IVD: variants seen among roughly 807,000 people sequenced by gnomAD.
IVD encodes isovaleryl-CoA dehydrogenase.
IVD carries 31 observed loss-of-function variants against 51.3 expected under a neutral mutation model. That is an observed-to-expected ratio of 0.60 (90% confidence interval 0.45 to 0.81). IVD has a LOEUF of 0.81. Among genes scored for constraint, IVD ranks in the 40% least tolerant of loss-of-function variants. IVD has a pLI of 0.00. For synonymous variants in IVD, 205 were observed against 219.4 expected (o/e 0.93, Z 0.58); for missense variants, 475 against 552.0 (o/e 0.86, Z 1.40).
downstream of IVD, among the ~76,000 whole-genome samples, chr15:40,421,566 C>T (rs1049445023): frequency 6.6e-6 from 1 of 152,142 alleles, no homozygotes; most frequent in Non-Finnish European, 1.5e-5. Flanking sequence ...CTGAGCACAC[C>T]CCTTATCAAA....
At chr15:40,407,536 G>C in intron 1 of IVD, 100 bp from the exon 2 acceptor site, 1 of 860,034 alleles carries the variant, frequency 1.2e-6, no homozygotes. Flanking sequence ...GTTTCAGTCT[G>C]ATGCTGTTTG....
At chr15:40,406,450 G>T in intron 1 of IVD, 1 of 788,568 alleles carries the variant, frequency 1.3e-6, no homozygotes, top group South Asian at 1.4e-5. Flanking sequence ...CTCTCCTGTC[G>T]CTCTTCAGCC....
intron 11 of IVD, among the ~76,000 whole-genome samples, 195 bp from the exon 12 acceptor site, chr15:40,417,935 G>T (rs1336826426): frequency 6.6e-6 from 1 of 152,154 alleles, no homozygotes; most frequent in East Asian, 1.9e-4. Context: ...GGCATCCACT[G>T]GGGTCTTGGA....
chr15:40,429,070 C>T (rs182884629), downstream of IVD, among the ~76,000 whole-genome samples: 219 of 152,280 alleles, frequency 1.4e-3, 1 homozygote, highest in African/African-American at 4.8e-3. Context: ...CCCATCCCTC[C>T]GCCCAGCCTG....
intron 8 of IVD, among the ~76,000 whole-genome samples, chr15:40,434,197 C>A (rs1261331290): frequency 3.9e-5 from 6 of 152,200 alleles, no homozygotes; most frequent in Admixed American, 3.9e-4. Context: ...CCAGGGGTAG[C>A]AAATCTTCTG....
intron 7 of IVD, among the ~76,000 whole-genome samples, chr15:40,431,520 C>G (rs1421712970): frequency 6.6e-6 from 1 of 151,892 alleles, no homozygotes; most frequent in Non-Finnish European, 1.5e-5. Flanking sequence ...ATGGTGAAAC[C>G]CCGTCTCTAC....
At chr15:40,415,224 G>A (rs1214032316) in intron 8 of IVD, 177 bp from the exon 9 acceptor site, 2 of 732,186 alleles carry the variant, frequency 2.7e-6, no homozygotes, top group African/African-American at 3.5e-5. Flanking sequence ...GCTGTGAAAC[G>A]ACACCTGGGC....
intron 8 of IVD, among the ~76,000 whole-genome samples, chr15:40,435,245 C>T (rs1893201402): frequency 6.6e-6 from 1 of 152,120 alleles, no homozygotes. Flanking sequence ...GTTGCTGCTC[C>T]GGAAATGACA....
chr15:40,413,480 A>G (rs1408534416), intron 7 of IVD, among the ~76,000 whole-genome samples: 2 of 152,170 alleles, frequency 1.3e-5, no homozygotes, highest in Non-Finnish European at 2.9e-5. Context: ...TGCTAAGAAA[A>G]AAAAACAAAA....
chr15:40,432,945 G>A (rs988127206), intron 7 of IVD, among the ~76,000 whole-genome samples: 3 of 152,242 alleles, frequency 2.0e-5, no homozygotes, highest in Non-Finnish European at 2.9e-5. Context: ...ATGGAAGCAG[G>A]GCAGGCTTCA....
chr15:40,411,347 A>G lies in IVD; in HGVS notation c.544A>G (p.Lys182Glu). 3 of 1,614,182 alleles carry G rather than the reference A, an allele frequency of 1.9e-6. No homozygotes were observed. Among genetic ancestry groups the G allele is most frequent in the African/African-American group, 1.3e-5 (1 of 75,056 alleles). The change falls in exon 5 of 12, where the codon AAG becomes GAG. Residue 182 changes from lysine to glutamate, a missense_variant. Coordinates refer to ENST00000487418, the MANE Select transcript of IVD (RefSeq NM_002225.5). ...TGTCTCTATGAAGCTCAAAGCGGAA[A>G]AGAAAGGTGAGGCCACTCTCAACTT... is the stretch of plus-strand genomic sequence containing the variant. ...DVVSMKLKAE[K>E]KGNHYILNGN...
chr15:40,411,732 C>G, intron 6 of IVD, 41 bp downstream of exon 6: 1 of 1,609,172 alleles, frequency 6.2e-7, no homozygotes, highest in Non-Finnish European at 8.5e-7. Context: ...CTTCTGCCTC[C>G]TGACAGTGGT....
At position 40,410,842 on chromosome 15, in the gene IVD, C is replaced by A. The variant is rs778530585; in HGVS notation, c.456+45C>A. 23 of 1,604,226 alleles carry A rather than the reference C, an allele frequency of 1.4e-5. No individual in the cohort carries two copies. The Admixed American group carries it at 3.7e-4, about 26-fold the overall frequency. On this transcript the variant is annotated intron_variant, in intron 4 of 11. Coordinates refer to ENST00000487418, the MANE Select transcript of IVD (RefSeq NM_002225.5). ...ATACACGCTAATCTCACAGTGCAAC[C>A]ACCAACTAAAAGATACCCTCTCCCC...
rs1892246526 is a variant in IVD, at chr15:40,420,961, G to A, written c.*2698G>A. The A allele has an allele frequency of 1.0e-6, 1 of 985,394 alleles. No homozygotes were observed. The highest frequency in any genetic ancestry group is 1.2e-6 in the Non-Finnish European group (1 of 830,002). 61.0% of individuals were successfully genotyped at this position (985,394 alleles called of 1,614,324 possible). The stretch of plus-strand genomic sequence containing the variant: ...AGCACCTATCCTGGCTCTTGGTCCT[G>A]GCCTGCAGCCAAGTGCTGTTCCTAG... On this transcript the variant is annotated 3_prime_UTR_variant, in exon 12 of 12. Transcript: ENST00000487418.
chr15:40,411,917 C>T (rs1055238377), intron 6 of IVD, among the ~76,000 whole-genome samples: 4 of 152,136 alleles, frequency 2.6e-5, no homozygotes, highest in African/African-American at 7.2e-5. Context: ...CAGCGCCAGG[C>T]CACACAAAGA....
chr15:40,433,375 A>G lies in IVD; in HGVS notation c.720-479A>G, dbSNP rs114178927. ...TGCCTGTTCATGCCTTCTGTAAGAGACACCTGCCCCCTCTGGACCTCCTGC... is the reference window on the plus strand; with the variant it reads ...TGCCTGTTCATGCCTTCTGTAAGAGGCACCTGCCCCCTCTGGACCTCCTGC... On this transcript the variant is annotated intron_variant, in intron 7 of 8. Transcript: ENST00000473112. Among the ~76,000 whole-genome samples, 403 of 152,282 alleles carry G rather than the reference A, an allele frequency of 2.6e-3. 2 individuals carry two copies. The highest frequency in any genetic ancestry group is 9.3e-3 in the African/African-American group (386 of 41,540).
chr15:40,431,564 G>A (rs1441083668), intron 7 of IVD, among the ~76,000 whole-genome samples: 4 of 151,862 alleles, frequency 2.6e-5, no homozygotes, highest in African/African-American at 4.8e-5. Context: ...GCACAGTGGC[G>A]GGCGCCTGTA....
chr15:40,412,905 GA>G, intron 6 of IVD, 85 bp from the exon 7 acceptor site: 1 of 999,042 alleles, frequency 1.0e-6, no homozygotes. Context: ...ATAGGAAGGT[GA>G]GTGCCTTCTT....
intron 1 of IVD, 140 bp downstream of exon 1, chr15:40,406,111 G>C (rs1189321993): frequency 7.8e-6 from 12 of 1,539,758 alleles, no homozygotes; most frequent in Non-Finnish European, 1.1e-5. Flanking sequence ...GCGCCAGCGC[G>C]GGGGCGGGAC....
Sources: allele counts gnomAD v4.1 joint callset (sites outside exome capture counted in the v4.1 genomes callset), GRCh38; gene constraint gnomAD v4.1.1; transcripts MANE v1.5; gene names NCBI Gene and HGNC (gene_info 2026-07-23, HGNC 2026-07-21).